Variants in LEF1 observed in about 807,000 individuals in gnomAD.
LEF1 encodes lymphoid enhancer-binding factor 1.
In LEF1, 14 loss-of-function variants were observed where a neutral mutation model predicts 51.2. That is an observed-to-expected ratio of 0.27 (90% CI 0.18 to 0.43). The LOEUF (loss-of-function observed/expected upper bound fraction) is 0.43, where lower values mean the gene tolerates loss of function less well. LEF1 is among the 20% of genes least tolerant of loss of function. LEF1 has a pLI of 1.00. For synonymous variants in LEF1, 185 were observed against 183.2 expected (o/e 1.01, Z -0.08); for missense variants, 386 against 512.0 (o/e 0.75, Z 2.37).
chr4:108,096,212 C>T (rs1032739021), intron 3 of LEF1, among the ~76,000 whole-genome samples: 10 of 152,138 alleles, frequency 6.6e-5, no homozygotes, highest in African/African-American at 2.2e-4. Context: ...GAAAGGACCA[C>T]CAGATTCTCA....
At chr4:108,065,790 T>A (rs1027915200) in intron 9 of LEF1, among the ~76,000 whole-genome samples, 1 of 152,248 alleles carries the variant, frequency 6.6e-6, no homozygotes, top group African/African-American at 2.4e-5. Context: ...GTGTTCCATT[T>A]TAGTTATTTG....
intron 11 of LEF1, among the ~76,000 whole-genome samples, chr4:108,050,521 T>C (rs373870940): frequency 1.3e-5 from 2 of 152,168 alleles, no homozygotes; most frequent in African/African-American, 4.8e-5. Context: ...CCTGCCTTTC[T>C]ACGGAGAAAG....
chr4:108,075,994 G>T (rs949905459), intron 8 of LEF1, among the ~76,000 whole-genome samples: 16 of 146,764 alleles, frequency 1.1e-4, no homozygotes, highest in African/African-American at 4.0e-4. Flanking sequence ...TGTTTGCCAG[G>T]ACGGTCCCCC....
In LEF1 at chr4:108,079,480, G is replaced by T. The variant is rs762458702; in HGVS notation, c.845+12C>A. On this transcript the variant is annotated intron_variant, in intron 7 of 11. Transcript: ENST00000265165. ...CTAAGGCAATCACAGCAGAGCCCGGGTGGATACTTACACGTGCATTAGGTC... is the reference window on the plus strand; with the variant it reads ...CTAAGGCAATCACAGCAGAGCCCGGTTGGATACTTACACGTGCATTAGGTC... The T allele has an allele frequency of 5.6e-6, 9 of 1,613,898 alleles. No individual in the cohort carries two copies. In the East Asian group the frequency reaches 1.6e-4, roughly 28 times the overall value.
chr4:108,167,474 G>A lies in LEF1; in HGVS notation c.213+81C>T. On this transcript the variant is annotated intron_variant, in intron 1 of 11. Coordinates refer to ENST00000265165, the MANE Select transcript of LEF1 (RefSeq NM_016269.5). The surrounding 1 kb of genome is among the most constrained non-coding windows in gnomAD (Gnocchi z 5.7). ...TCGGGACCCTCAGCCGGGCGGCCGG[G>A]CGCCTTCGTTCCCTTCCTCCCTCTC... is the stretch of plus-strand genomic sequence containing the variant. The A allele has an allele frequency of 6.9e-7, 1 of 1,443,940 alleles. No homozygotes were observed. Among genetic ancestry groups the A allele is most frequent in the South Asian group, 1.2e-5 (1 of 80,922 alleles). 89.4% of individuals were successfully genotyped at this position (1,443,940 alleles called of 1,614,324 possible).
At chr4:108,052,035 G>A (rs1447342428) in intron 11 of LEF1, among the ~76,000 whole-genome samples, 1 of 152,166 alleles carries the variant, frequency 6.6e-6, no homozygotes, top group African/African-American at 2.4e-5. Context: ...GCCAGCTCAT[G>A]TCCTGGGGGT....
At chr4:108,103,283 A>G (rs1740941897) in intron 3 of LEF1, among the ~76,000 whole-genome samples, 2 of 152,252 alleles carry the variant, frequency 1.3e-5, no homozygotes, top group South Asian at 4.1e-4. Flanking sequence ...GCTAATGAAC[A>G]GTACAATCAA....
intron 5 of LEF1, chr4:108,083,133 T>A: frequency 3.6e-6 from 2 of 550,386 alleles, no homozygotes. Context: ...AAGCAAATGC[T>A]ACAGTCATTT....
At position 108,092,917 on chromosome 4, in the gene LEF1, T is replaced by TA. The variant is rs71592104; in HGVS notation, c.415-3661dup. ...GTGGGTATTGGAAACAATGAATATGTAAAAAAAAAAAAAAAAAAAAAAAAA... is the reference window on the plus strand; with the variant it reads ...GTGGGTATTGGAAACAATGAATATGTAAAAAAAAAAAAAAAAAAAAAAAAAA... On this transcript the variant is annotated intron_variant, in intron 3 of 11. Coordinates refer to ENST00000265165, the MANE Select transcript of LEF1 (RefSeq NM_016269.5). Among the ~76,000 whole-genome samples the TA allele has an allele frequency of 1.5e-3, 47 of 31,138 alleles. 1 individual carries two copies. The highest frequency in any genetic ancestry group is 7.4e-3 in the African/African-American group (38 of 5,116). 20.4% of individuals were successfully genotyped at this position (31,138 alleles called of 152,430 possible).
chr4:108,157,491 A>G (rs60652226), intron 3 of LEF1, among the ~76,000 whole-genome samples: 1 of 152,214 alleles, frequency 6.6e-6, no homozygotes, highest in East Asian at 1.9e-4. Context: ...ATGACAATAA[A>G]TTACTATGAT....
At chr4:108,063,514 C>T in intron 11 of LEF1, 109 bp downstream of exon 11, 1 of 850,172 alleles carries the variant, frequency 1.2e-6, no homozygotes, top group South Asian at 1.5e-5. Flanking sequence ...GAGTTCTCCT[C>T]TTTAAGGAGC....
chr4:108,050,756 G>A (rs937764480), intron 11 of LEF1, among the ~76,000 whole-genome samples: 1 of 152,136 alleles, frequency 6.6e-6, no homozygotes, highest in East Asian at 1.9e-4. Flanking sequence ...GAATAGACTC[G>A]CCATTGGCAG....
intron 7 of LEF1, 118 bp from the exon 8 acceptor site, chr4:108,078,500 C>T: frequency 7.6e-7 from 1 of 1,317,098 alleles, no homozygotes; most frequent in Non-Finnish European, 1.1e-6. Flanking sequence ...CGACAACCCT[C>T]TCACCCCAGA....
chr4:108,077,025 C>CAGA (rs1738907215), intron 8 of LEF1, among the ~76,000 whole-genome samples: 1 of 97,524 alleles, frequency 1.0e-5, no homozygotes, highest in South Asian at 4.0e-4. Context: ...AGACTCATCT[C>CAGA]AAAAAAAAAA....
intron 3 of LEF1, among the ~76,000 whole-genome samples, chr4:108,154,971 C>A (rs2110403816): frequency 6.6e-6 from 1 of 152,226 alleles, no homozygotes; most frequent in East Asian, 1.9e-4. Context: ...CCAACACATC[C>A]CTTTGGACGT....
At chr4:108,096,343 G>C (rs948155817) in intron 3 of LEF1, among the ~76,000 whole-genome samples, 9 of 152,156 alleles carry the variant, frequency 5.9e-5, no homozygotes, top group African/African-American at 2.2e-4. Flanking sequence ...GGATTCTATG[G>C]GGTATGGAAA....
chr4:108,082,234 T>C (rs35849113), intron 5 of LEF1, among the ~76,000 whole-genome samples: 1 of 152,242 alleles, frequency 6.6e-6, no homozygotes, highest in Non-Finnish European at 1.5e-5. Flanking sequence ...TTTCCCTCTG[T>C]TCTCTCTACA....
At chr4:108,055,738 G>C (rs1243985491) in intron 11 of LEF1, among the ~76,000 whole-genome samples, 2 of 152,020 alleles carry the variant, frequency 1.3e-5, no homozygotes, top group Non-Finnish European at 2.9e-5. Flanking sequence ...ATTTTTTAAT[G>C]GCATCAGATC....
At chr4:108,073,104 G>C (rs976720793) in intron 8 of LEF1, among the ~76,000 whole-genome samples, 2 of 152,212 alleles carry the variant, frequency 1.3e-5, no homozygotes, top group African/African-American at 2.4e-5. Context: ...CAATATTTAT[G>C]GTAGGGTGCA....
Sources: allele counts gnomAD v4.1 joint callset (sites outside exome capture counted in the v4.1 genomes callset), GRCh38; gene constraint gnomAD v4.1.1; non-coding constraint Gnocchi (gnomAD v3.1); transcripts MANE v1.5; gene names NCBI Gene and HGNC (gene_info 2026-07-23, HGNC 2026-07-21).